Variants in CDH18 observed in about 807,000 individuals in gnomAD.
CDH18 encodes the protein cadherin-18.
In CDH18, 31 loss-of-function variants were observed where a neutral mutation model predicts 67.9. That is an observed-to-expected ratio of 0.46 (90% CI 0.34 to 0.62). The LOEUF (loss-of-function observed/expected upper bound fraction) is 0.62, where lower values mean the gene tolerates loss of function less well. Ranked by LOEUF, CDH18 falls within the 20% of genes least tolerant of loss-of-function variation. CDH18 has a pLI of 0.01. For missense variants in CDH18, 890 were observed against 975.5 expected, an observed-to-expected ratio of 0.91 and a Z score of 1.17; for synonymous variants, 362 against 347.2, an observed-to-expected ratio of 1.04 and a Z score of -0.48.
chr5:20,075,910 C>A (rs1190439671), intron 2 of CDH18, among the ~76,000 whole-genome samples: 1 of 152,056 alleles, frequency 6.6e-6, no homozygotes, highest in Non-Finnish European at 1.5e-5. Flanking sequence ...CTTCTTTCTT[C>A]TTCTATTCTT....
chr5:20,468,737 T>C (rs1751842818), intron 1 of CDH18, among the ~76,000 whole-genome samples: 1 of 152,216 alleles, frequency 6.6e-6, no homozygotes, highest in Non-Finnish European at 1.5e-5. Context: ...AGATGAGTCA[T>C]ATAATTCAGA....
intron 1 of CDH18, among the ~76,000 whole-genome samples, chr5:20,449,770 A>C (rs956705088): frequency 5.9e-5 from 9 of 151,970 alleles, no homozygotes; most frequent in African/African-American, 2.2e-4. Context: ...GTACTCCTGT[A>C]AAGTCTAGGG....
At chr5:20,199,928 T>C (rs1171842969) in intron 2 of CDH18, among the ~76,000 whole-genome samples, 1 of 152,158 alleles carries the variant, frequency 6.6e-6, no homozygotes, top group Non-Finnish European at 1.5e-5. Context: ...CTCCCCTTTA[T>C]CTTCTGCTAT....
intron 5 of CDH18, among the ~76,000 whole-genome samples, chr5:19,703,021 A>G (rs948423959): frequency 2.7e-5 from 4 of 146,130 alleles, no homozygotes; most frequent in Non-Finnish European, 6.1e-5. Context: ...AACAATGCTC[A>G]TCACTGGCTT....
In CDH18 at chr5:19,716,933, G is replaced by C. The variant is rs998998865; in HGVS notation, c.643+4414C>G. Among the ~76,000 whole-genome samples the C allele has an allele frequency of 7.2e-5, 11 of 151,884 alleles. No individual in the cohort carries two copies. In the East Asian group the frequency reaches 2.1e-3, roughly 29 times the overall value. ...ATACATGAGTTTAAAACATAAACAC[G>C]CAAATATGAAAATTAAAAAATGGCT... On this transcript the variant is annotated intron_variant, in intron 5 of 12. Transcript: ENST00000382275.
At chr5:20,338,904 T>C (rs1240774963) in intron 1 of CDH18, among the ~76,000 whole-genome samples, 1 of 152,166 alleles carries the variant, frequency 6.6e-6, no homozygotes, top group Non-Finnish European at 1.5e-5. Context: ...GAGCTAGGGC[T>C]TTGCCCAGGT....
chr5:19,792,250 G>A (rs1419560162), intron 3 of CDH18, among the ~76,000 whole-genome samples: 11 of 152,050 alleles, frequency 7.2e-5, no homozygotes, highest in Admixed American at 7.2e-4. Context: ...GCAAAGGAAG[G>A]GTGAATTTTT....
At chr5:20,179,326 T>A (rs1054774693) in intron 2 of CDH18, among the ~76,000 whole-genome samples, 1 of 152,148 alleles carries the variant, frequency 6.6e-6, no homozygotes, top group Admixed American at 6.6e-5. Context: ...TTCTTCAAAC[T>A]TACCTGACAT....
chr5:19,559,955 A>G (rs1739162336), intron 8 of CDH18, among the ~76,000 whole-genome samples: 3 of 150,390 alleles, frequency 2.0e-5, no homozygotes, highest in Admixed American at 6.6e-5. Context: ...ATATTTAACC[A>G]AGAAGAAGAA....
At chr5:19,695,636 T>C (rs1292959955) in intron 5 of CDH18, among the ~76,000 whole-genome samples, 3 of 152,186 alleles carry the variant, frequency 2.0e-5, no homozygotes, top group South Asian at 4.1e-4. Context: ...GTTTTCTACA[T>C]TGCAATCAGC....
chr5:20,045,361 T>TA (rs1448840323), intron 2 of CDH18, among the ~76,000 whole-genome samples: 1 of 152,194 alleles, frequency 6.6e-6, no homozygotes, highest in East Asian at 1.9e-4. Context: ...TTGTGCCACT[T>TA]ACAGGTTTCA....
At chr5:20,468,381 G>A (rs922420415) in intron 1 of CDH18, among the ~76,000 whole-genome samples, 5 of 152,130 alleles carry the variant, frequency 3.3e-5, no homozygotes, top group South Asian at 2.1e-4. Flanking sequence ...AGGATGCCAC[G>A]CTGGCATCTG....
intron 2 of CDH18, among the ~76,000 whole-genome samples, chr5:20,172,214 A>ATATATATACGTATATATATATATACG (rs1736831129): frequency 0.036 from 1,162 of 32,716 alleles, 53 homozygotes; most frequent in Non-Finnish European, 0.054. Context: ...ATATATATAT[A>ATATATATACGTATATATATATATACG]TATATATATG....
intron 3 of CDH18, among the ~76,000 whole-genome samples, chr5:19,803,552 C>T (rs942298763): frequency 2.6e-5 from 4 of 152,184 alleles, no homozygotes; most frequent in African/African-American, 9.7e-5. Context: ...TGTTGGCCAG[C>T]ACTGGTCTAA....
chr5:19,487,246 T>A (rs1364590542), intron 11 of CDH18, among the ~76,000 whole-genome samples: 1 of 152,122 alleles, frequency 6.6e-6, no homozygotes. Context: ...GATAGATAGA[T>A]TAGATAGACA....
intron 11 of CDH18, among the ~76,000 whole-genome samples, chr5:19,488,824 GA>G (rs1372794702): frequency 1.3e-5 from 2 of 152,104 alleles, no homozygotes; most frequent in Admixed American, 1.3e-4. Context: ...GCTCTTTAAC[GA>G]AGGTTTATTT....
intron 2 of CDH18, among the ~76,000 whole-genome samples, chr5:19,873,568 A>G (rs1330396447): frequency 6.6e-6 from 1 of 152,216 alleles, no homozygotes; most frequent in Non-Finnish European, 1.5e-5. Flanking sequence ...CGGAAGCTAA[A>G]GATTTGAAGC....
At chr5:19,960,420 C>T (rs1400999219) in intron 2 of CDH18, among the ~76,000 whole-genome samples, 1 of 151,468 alleles carries the variant, frequency 6.6e-6, no homozygotes, top group Non-Finnish European at 1.5e-5. Flanking sequence ...TGTTTTCCAC[C>T]TGCACATCTT....
chr5:20,060,857 AAAC>A (rs1208379330), intron 2 of CDH18, among the ~76,000 whole-genome samples: 1 of 152,106 alleles, frequency 6.6e-6, no homozygotes, highest in Non-Finnish European at 1.5e-5. Flanking sequence ...CTCTGAAAGA[AAAC>A]AACAATTTTC....
Sources: allele counts gnomAD v4.1 joint callset (sites outside exome capture counted in the v4.1 genomes callset), GRCh38; gene constraint gnomAD v4.1.1; transcripts MANE v1.5; gene names NCBI Gene and HGNC (gene_info 2026-07-23, HGNC 2026-07-21).